PLCL1: variants seen among roughly 807,000 people sequenced by gnomAD.
PLCL1 encodes the protein inactive phospholipase C-like protein 1.
A neutral mutation model predicts 84.4 loss-of-function variants in PLCL1; 41 were observed. The ratio of observed to expected loss-of-function variants is 0.49; its 90% confidence interval spans 0.38 to 0.63. The LOEUF is 0.63. PLCL1 is among the 30% of genes least tolerant of loss of function. The probability of loss-of-function intolerance (pLI) is 0.00; values close to 1 mark genes in which losing one functional copy is unlikely to be tolerated. For synonymous variants in PLCL1, 490 were observed against 488.3 expected (o/e 1.00, Z -0.05); for missense variants, 1,206 against 1,367.8 (o/e 0.88, Z 1.87).
At position 198,085,387 on chromosome 2, in the gene PLCL1, G is replaced by C; in HGVS notation, c.1870G>C (p.Ala624Pro). The C allele has an allele frequency of 6.2e-7, 1 of 1,611,596 alleles. No homozygotes were observed. Among genetic ancestry groups the C allele is most frequent in the Non-Finnish European group, 8.5e-7 (1 of 1,178,040 alleles). The part of the protein sequence containing the change: ...SFSETEASRI[A>P]NEYPEDFVNY... ...TAGTGAAACAGAGGCCAGCCGCATTGCAAATGAGTACCCAGAGGATTTTGT... is the reference window on the plus strand; with the variant it reads ...TAGTGAAACAGAGGCCAGCCGCATTCCAAATGAGTACCCAGAGGATTTTGT... Residue 624 changes from alanine (A) to proline (P), a missense_variant, in exon 2 of 6, where the codon GCA becomes CCA. Coordinates refer to ENST00000428675, the MANE Select transcript of PLCL1 (RefSeq NM_006226.4). This position sits in a 1 kb window ranked among gnomAD's most constrained non-coding sequence, Gnocchi z 5.3.
chr2:197,926,621 A>C (rs1208017792), intron 1 of PLCL1, among the ~76,000 whole-genome samples: 1 of 152,230 alleles, frequency 6.6e-6, no homozygotes, highest in African/African-American at 2.4e-5. Flanking sequence ...CACAAACATA[A>C]ATAAGATCAA....
chr2:198,088,737 T>C (rs1204020692), intron 2 of PLCL1, 121 bp from the exon 3 acceptor site: 2 of 739,832 alleles, frequency 2.7e-6, no homozygotes, highest in African/African-American at 1.7e-5. Context: ...AGATGAAGTA[T>C]AGTTATGAAT....
At chr2:198,038,844 C>CAAAAAAAAA (rs11299150) in intron 1 of PLCL1, among the ~76,000 whole-genome samples, 24 of 120,298 alleles carry the variant, frequency 2.0e-4, no homozygotes, top group East Asian at 5.1e-4. Flanking sequence ...CATTAAAGGT[C>CAAAAAAAAA]AAAAAAAAAA....
At chr2:197,857,389 G>A (rs79138358) in intron 1 of PLCL1, among the ~76,000 whole-genome samples, 1 of 152,024 alleles carries the variant, frequency 6.6e-6, no homozygotes, top group Non-Finnish European at 1.5e-5. Flanking sequence ...TTCTCCCAAG[G>A]TTAAACCTTA....
intron 1 of PLCL1, among the ~76,000 whole-genome samples, chr2:198,014,608 A>G (rs1690948172): frequency 6.6e-6 from 1 of 151,956 alleles, no homozygotes; most frequent in South Asian, 2.1e-4. Context: ...GGGAAGTTTT[A>G]TGCTGAAAAA....
At chr2:197,921,139 T>C (rs545149230) in intron 1 of PLCL1, among the ~76,000 whole-genome samples, 1 of 152,224 alleles carries the variant, frequency 6.6e-6, no homozygotes, top group African/African-American at 2.4e-5. Flanking sequence ...TATAACACAA[T>C]GGTATTTGTG....
chr2:198,013,902 A>G (rs1310072439), intron 1 of PLCL1, among the ~76,000 whole-genome samples: 1 of 152,124 alleles, frequency 6.6e-6, no homozygotes, highest in East Asian at 1.9e-4. Flanking sequence ...CTCTTTTAAA[A>G]TCTTAATGTT....
At chr2:197,893,079 A>G (rs1262505628) in intron 1 of PLCL1, among the ~76,000 whole-genome samples, 1 of 152,226 alleles carries the variant, frequency 6.6e-6, no homozygotes, top group Middle Eastern at 3.2e-3. Flanking sequence ...AGTTAACTGT[A>G]TTGAGTTACA....
At chr2:197,868,087 T>A (rs1212355284) in intron 1 of PLCL1, among the ~76,000 whole-genome samples, 2 of 152,198 alleles carry the variant, frequency 1.3e-5, no homozygotes, top group African/African-American at 4.8e-5. Context: ...GACCACTGTA[T>A]TATTCATTAG....
At chr2:197,923,487 G>C (rs1354421036) in intron 1 of PLCL1, among the ~76,000 whole-genome samples, 29 of 146,230 alleles carry the variant, frequency 2.0e-4, no homozygotes, top group Non-Finnish European at 3.6e-4. Context: ...ACGGGGTCTC[G>C]GCCGGGCAGA....
At chr2:197,846,217 C>T (rs185478045) in intron 1 of PLCL1, among the ~76,000 whole-genome samples, 1 of 152,160 alleles carries the variant, frequency 6.6e-6, no homozygotes, top group Non-Finnish European at 1.5e-5. Context: ...GATTATGTGT[C>T]TGCATGACAT....
At chr2:197,951,754 A>G (rs943376986) in intron 1 of PLCL1, among the ~76,000 whole-genome samples, 3 of 152,188 alleles carry the variant, frequency 2.0e-5, no homozygotes, top group African/African-American at 7.2e-5. Context: ...AGGACGTTTT[A>G]TTAAAGACTA....
chr2:197,908,489 A>G (rs1559042070), intron 1 of PLCL1, among the ~76,000 whole-genome samples: 1 of 152,176 alleles, frequency 6.6e-6, no homozygotes, highest in Non-Finnish European at 1.5e-5. Flanking sequence ...TATTCACAAC[A>G]AGTCTACTTT....
chr2:197,971,242 G>T (rs1025581197), intron 1 of PLCL1, among the ~76,000 whole-genome samples: 6 of 152,222 alleles, frequency 3.9e-5, no homozygotes, highest in African/African-American at 1.4e-4. Flanking sequence ...AAGAGAAATG[G>T]AGCTGCCATG....
intron 1 of PLCL1, among the ~76,000 whole-genome samples, chr2:197,808,670 T>C (rs1690528328): frequency 6.6e-6 from 1 of 152,224 alleles, no homozygotes; most frequent in Non-Finnish European, 1.5e-5. Context: ...AATCAAAACA[T>C]TAAATGCTGT....
chr2:197,928,018 A>G (rs1251849050), intron 1 of PLCL1, among the ~76,000 whole-genome samples: 1 of 145,320 alleles, frequency 6.9e-6, no homozygotes, highest in East Asian at 2.2e-4. Flanking sequence ...TCATTTTTAA[A>G]TGAAGTTTGA....
intron 1 of PLCL1, among the ~76,000 whole-genome samples, chr2:197,819,614 A>G (rs1426793817): frequency 4.6e-5 from 7 of 152,096 alleles, no homozygotes; most frequent in African/African-American, 1.7e-4. Context: ...TCATTTTACT[A>G]AGCCGGCTGT....
intron 3 of PLCL1, among the ~76,000 whole-genome samples, chr2:198,093,896 C>G (rs1329022963): frequency 2.0e-5 from 3 of 152,044 alleles, no homozygotes; most frequent in Non-Finnish European, 4.4e-5. Flanking sequence ...AACACTGACC[C>G]TGAGTTCATC....
chr2:197,822,608 G>A (rs1690841044), intron 1 of PLCL1, among the ~76,000 whole-genome samples: 1 of 152,156 alleles, frequency 6.6e-6, no homozygotes, highest in Non-Finnish European at 1.5e-5. Flanking sequence ...AGTAGGGACT[G>A]TCTACCCCAT....
Sources: gnomAD v4.1 joint callset for allele counts (sites outside exome capture counted in the v4.1 genomes callset) on GRCh38, gnomAD v4.1.1 for gene constraint, Gnocchi (gnomAD v3.1) non-coding constraint, MANE v1.5 for transcripts, NCBI Gene and HGNC (gene_info 2026-07-23, HGNC 2026-07-21) for gene names.